The following COL16A1 variants were observed in gnomAD, a reference collection of about 807,000 sequenced individuals.
COL16A1 encodes the protein collagen alpha-1(XVI) chain.
A neutral mutation model predicts 266.3 loss-of-function variants in COL16A1; 189 were observed. The observed-to-expected ratio is 0.71, with a 90% CI of 0.63 to 0.80. The LOEUF is 0.80. COL16A1 is among the 30% of genes least tolerant of loss of function. The probability of loss-of-function intolerance (pLI) is 0.00; values close to 1 mark genes in which losing one functional copy is unlikely to be tolerated. For synonymous variants in COL16A1, 740 were observed against 782.3 expected, an observed-to-expected ratio of 0.95 and a Z score of 0.90; for missense variants, 1,928 against 2,122.4, an observed-to-expected ratio of 0.91 and a Z score of 1.80.
chr1:31,665,006 C>A (rs182694991), intron 56 of COL16A1, among the ~76,000 whole-genome samples, 166 bp downstream of exon 56: 2 of 152,330 alleles, frequency 1.3e-5, no homozygotes, highest in East Asian at 3.9e-4. Context: ...CAAGCCCTGT[C>A]GGCCTCCAGT....
chr1:31,702,143 G>A lies in COL16A1; in HGVS notation c.51C>T (p.Thr17=). The A allele has an allele frequency of 1.2e-6, 2 of 1,614,184 alleles. No individual in the cohort carries two copies. Among genetic ancestry groups the A allele is most frequent in the Non-Finnish European group, 1.7e-6 (2 of 1,180,012 alleles). The stretch of plus-strand genomic sequence containing the variant: ...CACCTGTATTTGCCCCATGGCCGAA[G>A]GTAGCCCAAAGACCGAGCAGCCACA... ...PGLWLLGLWA[T]FGHGANTGAQ... The change falls in exon 2 of 71, where the codon ACC becomes ACT. Residue 17 remains threonine (T), a synonymous_variant. Transcript: ENST00000373672.
At chr1:31,679,006 TC>T (rs1316962271) in intron 42 of COL16A1, among the ~76,000 whole-genome samples, 1 of 152,234 alleles carries the variant, frequency 6.6e-6, no homozygotes, top group Non-Finnish European at 1.5e-5. Flanking sequence ...ACAAAGGCTA[TC>T]CCTCACAGCT....
At position 31,652,567 on chromosome 1, in the gene COL16A1, A is replaced by G; in HGVS notation, c.*84T>C. 1 of 1,338,404 alleles carries G rather than the reference A, an allele frequency of 7.5e-7. No individual in the cohort carries two copies. The highest frequency in any genetic ancestry group is 1.5e-5 in the African/African-American group (1 of 66,990). 82.9% of individuals were successfully genotyped at this position (1,338,404 alleles called of 1,614,324 possible). A position where few individuals can be genotyped will look rare whatever the true frequency, so the allele number is the denominator to read the frequency against. On this transcript the variant is annotated 3_prime_UTR_variant, in exon 71 of 71. Coordinates refer to ENST00000373672, the MANE Select transcript of COL16A1 (RefSeq NM_001856.4). This position sits in a 1 kb window ranked among gnomAD's most constrained non-coding sequence, Gnocchi z 4.8. ...AAAAACAACAACAACAACAAAAAAA[A>G]CATTCACAACCTGTCACAGAGTCCT...
intron 44 of COL16A1, among the ~76,000 whole-genome samples, chr1:31,673,620 GC>G (rs1454327107): frequency 2.0e-5 from 3 of 152,234 alleles, no homozygotes; most frequent in Non-Finnish European, 4.4e-5. Context: ...TACATAATAA[GC>G]CCTGCACATT....
chr1:31,689,551 C>G (rs1644158708), intron 23 of COL16A1, 190 bp downstream of exon 23: 3 of 608,112 alleles, frequency 4.9e-6, no homozygotes. Flanking sequence ...CCGGAGGTGG[C>G]ACTCTAGCCC....
chr1:31,699,221 T>A (rs999116113), intron 4 of COL16A1, among the ~76,000 whole-genome samples: 9 of 152,168 alleles, frequency 5.9e-5, no homozygotes, highest in Non-Finnish European at 1.2e-4. Flanking sequence ...AGGGAGGCCA[T>A]GAGCAAAGAA....
In COL16A1 at chr1:31,663,201, A is replaced by C. The variant is rs1641842432; in HGVS notation, c.3556-543T>G. 6.2e-6 allele frequency: 1 copy of C among 160,986 alleles called. No homozygotes were observed. Among genetic ancestry groups the C allele is most frequent in the African/African-American group, 2.4e-5 (1 of 41,570 alleles). The allele number at this position is 160,986 out of a possible 1,614,324, so 10.0% of individuals were successfully genotyped here. A position where few individuals can be genotyped will look rare whatever the true frequency, so the allele number is the denominator to read the frequency against. ...GTCCAGTGAGGGTCATGGGCCCAAC[A>C]CAACCAGGGGCAATACAACAGTCTA... On this transcript the variant is annotated intron_variant, in intron 56 of 70. Transcript: ENST00000373672. The surrounding 1 kb of genome is among the most constrained non-coding windows in gnomAD (Gnocchi z 4.9).
chr1:31,682,940 C>G lies in COL16A1; in HGVS notation c.2532G>C (p.Gly844=), dbSNP rs748951684. 1 of 1,614,056 alleles carries G rather than the reference C, an allele frequency of 6.2e-7. No homozygotes were observed. The highest frequency in any genetic ancestry group is 8.5e-7 in the Non-Finnish European group (1 of 1,179,992). The change falls in exon 37 of 71, where the codon GGG becomes GGC. Residue 844 remains glycine, a synonymous_variant. Coordinates refer to ENST00000373672, the MANE Select transcript of COL16A1 (RefSeq NM_001856.4). ...PVGPPGASVS[G]PPGRDGQQGQ... ...GAGCACAGAGAAGACTTACCGGAGG[C>G]CCAGAGACACTGGCCCCAGGAGGTC...
At position 31,655,307 on chromosome 1, in the gene COL16A1, C is replaced by T; in HGVS notation, c.4290+7G>A. ...CAGTGCCCACAGCTGCCAGCCTTCC[C>T]CCTTACCATGGAGCCAGGCACACCA... On this transcript the variant is annotated splice_region_variant and intron_variant, in intron 67 of 70. Coordinates refer to ENST00000373672, the MANE Select transcript of COL16A1 (RefSeq NM_001856.4). 1 of 1,611,586 alleles carries T rather than the reference C, an allele frequency of 6.2e-7. No homozygotes were observed. Among genetic ancestry groups the T allele is most frequent in the Admixed American group, 1.7e-5 (1 of 59,812 alleles).
intron 49 of COL16A1, among the ~76,000 whole-genome samples, chr1:31,669,556 T>A (rs1308791382): frequency 6.6e-6 from 1 of 151,710 alleles, no homozygotes; most frequent in Non-Finnish European, 1.5e-5. Context: ...AACCTTTCCA[T>A]GACATAAGAC....
chr1:31,679,295 A>G, intron 42 of COL16A1: 1 of 1,078,330 alleles, frequency 9.3e-7, no homozygotes, highest in East Asian at 2.6e-5. Flanking sequence ...CAAATGTGCA[A>G]AAACACATGT....
chr1:31,654,052 A>G lies in COL16A1; in HGVS notation c.4358-9T>C. 1 of 1,611,974 alleles carries G rather than the reference A, an allele frequency of 6.2e-7. No individual in the cohort carries two copies. The highest frequency in any genetic ancestry group is 8.5e-7 in the Non-Finnish European group (1 of 1,178,558). On this transcript the variant is annotated splice_polypyrimidine_tract_variant and intron_variant, in intron 68 of 70. Coordinates refer to ENST00000373672, the MANE Select transcript of COL16A1 (RefSeq NM_001856.4). ...GTAGTAAGCCATTCTCTCTGTAAAAAAAGGACAAGGACAGGGACAGGTCAG... is the reference window on the plus strand; with the variant it reads ...GTAGTAAGCCATTCTCTCTGTAAAAGAAGGACAAGGACAGGGACAGGTCAG...
Position 31,698,065 on chromosome 1 carries a change from C to A in COL16A1, c.498G>T (p.Leu166Phe). The A allele has an allele frequency of 6.2e-7, 1 of 1,613,998 alleles. No individual in the cohort carries two copies. Among genetic ancestry groups the A allele is most frequent in the Non-Finnish European group, 8.5e-7 (1 of 1,180,046 alleles). ...CIFPVPQLFD[L>F]RWHKLMLSVA... The stretch of plus-strand genomic sequence containing the variant: ...CACTCAGCATCAGCTTGTGCCAACG[C>A]AAGTCGAAGAGCTGGGGCACTGGGA... Residue 166 changes from leucine to phenylalanine, a missense_variant, in exon 6 of 71, where the codon TTG (leucine) becomes TTT (phenylalanine). Physicochemically the swap from Leu to Phe is conservative, Grantham distance 22 (BLOSUM62 0). Coordinates refer to ENST00000373672, the MANE Select transcript of COL16A1 (RefSeq NM_001856.4). The surrounding 1 kb of genome is among the most constrained non-coding windows in gnomAD (Gnocchi z 4.1).
chr1:31,670,546 C>A lies in COL16A1; in HGVS notation c.3195+56G>T. ...ACGACAGGAGGGAGACAAGCAAAAG[C>A]CACAGAGACCTGGCTGACGGGGGGG... On this transcript the variant is annotated intron_variant, in intron 49 of 70. Transcript: ENST00000373672. The surrounding 1 kb of genome is among the most constrained non-coding windows in gnomAD (Gnocchi z 4.5). 7.5e-7 allele frequency: 1 copy of A among 1,337,166 alleles called. No homozygotes were observed. Among genetic ancestry groups the A allele is most frequent in the Non-Finnish European group, 9.6e-7 (1 of 1,038,058 alleles). The allele number at this position is 1,337,166 out of a possible 1,614,324, so 82.8% of individuals were successfully genotyped here. A position where few individuals can be genotyped will look rare whatever the true frequency, so the allele number is the denominator to read the frequency against.
chr1:31,653,311 G>A (rs114540619), intron 70 of COL16A1: 4,292 of 357,218 alleles, frequency 0.012, 41 homozygotes, highest in Middle Eastern at 0.018. Flanking sequence ...CAGCCAGTGA[G>A]GTGCTGAGTA....
Position 31,668,236 on chromosome 1 carries a change from C to A in COL16A1, c.3250-18G>T, listed in dbSNP as rs751700694. 1 of 1,613,164 alleles carries A rather than the reference C, an allele frequency of 6.2e-7. No homozygotes were observed. Among genetic ancestry groups the A allele is most frequent in the Non-Finnish European group, 8.5e-7 (1 of 1,179,312 alleles). On this transcript the variant is annotated intron_variant, in intron 50 of 70. Coordinates refer to ENST00000373672, the MANE Select transcript of COL16A1 (RefSeq NM_001856.4). This position sits in a 1 kb window ranked among gnomAD's most constrained non-coding sequence, Gnocchi z 5.8. ...GGAGGACCCTGCAAAGAAAGGCAGA[C>A]ATGATGGATAGCCCCCCAACATTTC...
intron 56 of COL16A1, 26 bp downstream of exon 56, chr1:31,665,146 C>T (rs1383861477): frequency 8.1e-6 from 13 of 1,603,402 alleles, no homozygotes; most frequent in Non-Finnish European, 1.1e-5. Context: ...AGATCTGTGA[C>T]TTTGCCAACC....
chr1:31,695,704 TG>T, intron 10 of COL16A1, 56 bp downstream of exon 10: 1 of 1,575,218 alleles, frequency 6.3e-7, no homozygotes, highest in Non-Finnish European at 8.7e-7. Context: ...GCCCAAAGCC[TG>T]GTGCAAAGGG....
At chr1:31,677,250 T>A (rs1021965142) in intron 42 of COL16A1, among the ~76,000 whole-genome samples, 15 of 152,164 alleles carry the variant, frequency 9.9e-5, no homozygotes, top group African/African-American at 3.4e-4. Flanking sequence ...AAAACCCGGT[T>A]AATTCTTTTT....
Sources: gnomAD v4.1 joint callset for allele counts (sites outside exome capture counted in the v4.1 genomes callset) on GRCh38, gnomAD v4.1.1 for gene constraint, Gnocchi (gnomAD v3.1) non-coding constraint, MANE v1.5 for transcripts, NCBI Gene and HGNC (gene_info 2026-07-23, HGNC 2026-07-21) for gene names.